Variants in LIN7A observed in about 807,000 individuals in gnomAD.
The protein encoded by LIN7A is lin-7 cell polarity scaffold A, also known as protein lin-7 homolog A.
A neutral mutation model predicts 29.8 loss-of-function variants in LIN7A; 25 were observed. The observed-to-expected ratio is 0.84, with a 90% CI of 0.61 to 1.17. The LOEUF (loss-of-function observed/expected upper bound fraction) is 1.17, where lower values mean the gene tolerates loss of function less well. Among genes scored for constraint, LIN7A ranks in the 50% most tolerant of loss-of-function variants. The probability of loss-of-function intolerance (pLI) is 0.00; values close to 1 mark genes in which losing one functional copy is unlikely to be tolerated. For synonymous variants in LIN7A, 118 were observed against 107.5 expected (o/e 1.10, Z -0.60); for missense variants, 239 against 287.0 (o/e 0.83, Z 1.21).
At chr12:80,823,044 C>T (rs568014046) in intron 4 of LIN7A, among the ~76,000 whole-genome samples, 7 of 152,166 alleles carry the variant, frequency 4.6e-5, no homozygotes, top group Non-Finnish European at 8.8e-5. Flanking sequence ...GATGATGGGT[C>T]GACCAGTCTG....
chr12:80,919,497 C>T (rs1013208184), intron 1 of LIN7A, among the ~76,000 whole-genome samples: 1 of 152,180 alleles, frequency 6.6e-6, no homozygotes, highest in African/African-American at 2.4e-5. Context: ...GAGTGGCAAG[C>T]ACTCACTGAT....
chr12:80,848,161 T>A (rs1873163657), intron 3 of LIN7A, 90 bp downstream of exon 3: 1 of 916,022 alleles, frequency 1.1e-6, no homozygotes, highest in Non-Finnish European at 1.8e-6. Flanking sequence ...TCTTACAGTG[T>A]ACACACGAGA....
intron 1 of LIN7A, among the ~76,000 whole-genome samples, chr12:80,936,155 T>C (rs1878205451): frequency 6.6e-6 from 1 of 152,222 alleles, no homozygotes. Context: ...TTATCCTGCT[T>C]AGTGCAGATG....
chr12:80,864,267 T>C (rs1874025977), intron 2 of LIN7A, among the ~76,000 whole-genome samples: 1 of 151,526 alleles, frequency 6.6e-6, no homozygotes, highest in Non-Finnish European at 1.5e-5. Flanking sequence ...GCTCTAACCA[T>C]CTCCACTTCA....
intron 1 of LIN7A, among the ~76,000 whole-genome samples, chr12:80,899,258 TTC>T (rs1305640118): frequency 2.0e-5 from 3 of 152,210 alleles, no homozygotes; most frequent in African/African-American, 7.2e-5. Context: ...TTGTTTTTAG[TTC>T]TGTTTATGTG....
At chr12:80,898,411 C>T (rs1334143774) in intron 1 of LIN7A, among the ~76,000 whole-genome samples, 1 of 152,094 alleles carries the variant, frequency 6.6e-6, no homozygotes, top group Non-Finnish European at 1.5e-5. Context: ...TGTGATGCCT[C>T]CAGCTCTGTG....
intron 2 of LIN7A, among the ~76,000 whole-genome samples, chr12:80,872,341 G>T (rs750914924): frequency 6.6e-5 from 10 of 152,034 alleles, no homozygotes; most frequent in Non-Finnish European, 2.9e-5. Flanking sequence ...TAAGGCAAAT[G>T]AATATTCTAA....
intron 1 of LIN7A, among the ~76,000 whole-genome samples, chr12:80,924,396 C>G (rs879451408): frequency 4.6e-5 from 7 of 152,210 alleles, no homozygotes; most frequent in Non-Finnish European, 1.0e-4. Flanking sequence ...AAATGCACCC[C>G]TGGGGAGAAG....
At chr12:80,850,103 A>G (rs1873257456) in intron 2 of LIN7A, among the ~76,000 whole-genome samples, 1 of 152,140 alleles carries the variant, frequency 6.6e-6, no homozygotes, top group Non-Finnish European at 1.5e-5. Flanking sequence ...AATTAAGAAT[A>G]ATTAGCCTTA....
intron 2 of LIN7A, among the ~76,000 whole-genome samples, chr12:80,884,489 G>A (rs556592742): frequency 1.3e-5 from 2 of 152,188 alleles, no homozygotes; most frequent in East Asian, 3.9e-4. Flanking sequence ...AACATTACTA[G>A]TCGTCTAGCA....
At chr12:80,866,058 T>C (rs1408495889) in intron 2 of LIN7A, among the ~76,000 whole-genome samples, 2 of 152,208 alleles carry the variant, frequency 1.3e-5, no homozygotes, top group Non-Finnish European at 2.9e-5. Context: ...GGGGGATTTG[T>C]AACAAGTGAC....
intron 1 of LIN7A, among the ~76,000 whole-genome samples, chr12:80,929,947 C>T (rs932296025): frequency 1.3e-5 from 2 of 152,136 alleles, no homozygotes; most frequent in East Asian, 3.8e-4. Flanking sequence ...GTTAAATAGA[C>T]CCAGCTGTGA....
At chr12:80,900,286 T>C (rs1876144306) in intron 1 of LIN7A, among the ~76,000 whole-genome samples, 2 of 152,172 alleles carry the variant, frequency 1.3e-5, no homozygotes. Context: ...ATTTTGGTTA[T>C]TTTTTTGTCT....
chr12:80,873,505 C>T (rs1372945941), intron 2 of LIN7A, among the ~76,000 whole-genome samples: 1 of 150,460 alleles, frequency 6.6e-6, no homozygotes, highest in Non-Finnish European at 1.5e-5. Context: ...TGCACTCCAG[C>T]CTGGGCAATA....
chr12:80,883,398 C>T (rs904368106), intron 2 of LIN7A, among the ~76,000 whole-genome samples: 5 of 152,112 alleles, frequency 3.3e-5, no homozygotes, highest in Admixed American at 6.5e-5. Flanking sequence ...AAACTTGTGT[C>T]GTAATGCTAC....
intron 2 of LIN7A, among the ~76,000 whole-genome samples, chr12:80,882,181 A>G (rs972437674): frequency 6.6e-6 from 1 of 151,992 alleles, no homozygotes; most frequent in Admixed American, 6.6e-5. Flanking sequence ...GTGAAATTAT[A>G]TAAAGAAATG....
intron 2 of LIN7A, among the ~76,000 whole-genome samples, chr12:80,886,786 A>G (rs1875352498): frequency 6.6e-6 from 1 of 152,146 alleles, no homozygotes; most frequent in Admixed American, 6.6e-5. Flanking sequence ...TACCATAGGA[A>G]GAGTTTGTTA....
intron 1 of LIN7A, among the ~76,000 whole-genome samples, chr12:80,932,139 G>T (rs1292035685): frequency 6.6e-6 from 1 of 152,160 alleles, no homozygotes; most frequent in Non-Finnish European, 1.5e-5. Flanking sequence ...ATCGGAAGAC[G>T]CATGAAGTAA....
chr12:80,847,335 A>G (rs911113623), intron 3 of LIN7A, among the ~76,000 whole-genome samples: 3 of 152,184 alleles, frequency 2.0e-5, no homozygotes, highest in Admixed American at 1.3e-4. Context: ...TGACATGATG[A>G]TAATAACACC....
Sources: allele counts gnomAD v4.1 joint callset (sites outside exome capture counted in the v4.1 genomes callset), GRCh38; gene constraint gnomAD v4.1.1; transcripts MANE v1.5; gene names NCBI Gene and HGNC (gene_info 2026-07-23, HGNC 2026-07-21).